PLD5: variants seen among roughly 807,000 people sequenced by gnomAD.
PLD5 encodes phospholipase D family member 5.
A neutral mutation model predicts 61.1 loss-of-function variants in PLD5; 36 were observed. The observed-to-expected ratio is 0.59, with a 90% CI of 0.45 to 0.78. The LOEUF (loss-of-function observed/expected upper bound fraction) is 0.78. Among genes scored for constraint, PLD5 ranks in the 30% least tolerant of loss-of-function variants. PLD5 has a pLI of 0.00. For synonymous variants in PLD5, 243 were observed against 242.8 expected, an observed-to-expected ratio of 1.00 and a Z score of -0.01; for missense variants, 515 against 644.4, an observed-to-expected ratio of 0.80 and a Z score of 2.17.
At chr1:242,292,314 T>G (rs958676407) in intron 2 of PLD5, among the ~76,000 whole-genome samples, 6 of 152,082 alleles carry the variant, frequency 3.9e-5, no homozygotes, top group African/African-American at 1.4e-4. Flanking sequence ...ACACAACAGC[T>G]GCCACCAAAT....
At chr1:242,507,310 A>C (rs775729291) in intron 1 of PLD5, among the ~76,000 whole-genome samples, 2 of 152,172 alleles carry the variant, frequency 1.3e-5, no homozygotes, top group Non-Finnish European at 2.9e-5. Context: ...GGTACTTCAT[A>C]AACTTTTGAG....
At chr1:242,112,720 A>T (rs1049726928) in intron 7 of PLD5, among the ~76,000 whole-genome samples, 1 of 152,142 alleles carries the variant, frequency 6.6e-6, no homozygotes, top group African/African-American at 2.4e-5. Flanking sequence ...GGCACACTTA[A>T]TCATTTAGCC....
At chr1:242,160,304 T>G (rs909655638) in intron 5 of PLD5, among the ~76,000 whole-genome samples, 2 of 151,970 alleles carry the variant, frequency 1.3e-5, no homozygotes, top group Non-Finnish European at 2.9e-5. Context: ...TCTAGGCAGA[T>G]GGCCCACAGG....
rs185158457 is a variant in PLD5, at chr1:242,503,757, A to C, written c.189+20331T>G. Reference sequence around the variant, plus strand: ...GCTCTTAAAAAGGGACATAAGGTCAAGTGCTCTCTTTTGGCCTTTGAATTT... The same window carrying C: ...GCTCTTAAAAAGGGACATAAGGTCACGTGCTCTCTTTTGGCCTTTGAATTT... On this transcript the variant is annotated intron_variant, in intron 1 of 9. Transcript: ENST00000536534. Among the ~76,000 whole-genome samples the C allele has an allele frequency of 1.2e-4, 18 of 152,326 alleles. No homozygotes were observed. In the East Asian group the frequency reaches 3.3e-3, roughly 28 times the overall value.
Position 242,245,890 on chromosome 1 carries a change from G to A in PLD5, c.607+19447C>T, listed in dbSNP as rs114431960. ...GCAGCACTTACAAAGTGAACTCACA[G>A]CCCCCCTTCTTCCTTCCTTCACAGC... On this transcript the variant is annotated intron_variant, in intron 4 of 9. Coordinates refer to ENST00000536534, the MANE Select transcript of PLD5 (RefSeq NM_001372062.1). 9.7e-3 allele frequency among the ~76,000 whole-genome samples: 1,481 copies of A among 152,192 alleles called. 21 individuals carry two copies. Among genetic ancestry groups the A allele is most frequent in the African/African-American group, 0.034 (1,403 of 41,508 alleles).
At chr1:242,171,506 GC>G (rs1666745086) in intron 5 of PLD5, among the ~76,000 whole-genome samples, 1 of 152,088 alleles carries the variant, frequency 6.6e-6, no homozygotes, top group Non-Finnish European at 1.5e-5. Context: ...TAATCAGCTA[GC>G]ATCACAATGA....
intron 1 of PLD5, among the ~76,000 whole-genome samples, chr1:242,489,201 G>C (rs1019463126): frequency 2.1e-4 from 32 of 152,244 alleles, no homozygotes; most frequent in African/African-American, 6.7e-4. Context: ...GCAGAGAGCT[G>C]GGAAAGGGTT....
intron 1 of PLD5, chr1:242,376,787 G>A (rs1438774482): frequency 5.9e-6 from 5 of 848,098 alleles, no homozygotes; most frequent in Non-Finnish European, 9.0e-6. Flanking sequence ...GTGAAGGAAG[G>A]TACGTTGAAA....
At chr1:242,486,588 T>C (rs1311807708) in intron 1 of PLD5, among the ~76,000 whole-genome samples, 4 of 152,070 alleles carry the variant, frequency 2.6e-5, no homozygotes, top group Admixed American at 1.3e-4. Context: ...TGTGGAGAAA[T>C]AGGAACACTT....
At chr1:242,450,805 T>C (rs1026195312) in intron 1 of PLD5, among the ~76,000 whole-genome samples, 3 of 152,178 alleles carry the variant, frequency 2.0e-5, no homozygotes, top group Non-Finnish European at 4.4e-5. Flanking sequence ...GAAGCCAATA[T>C]GGCAGGCAAA....
At chr1:242,299,901 C>T (rs1675928745) in intron 2 of PLD5, among the ~76,000 whole-genome samples, 1 of 152,028 alleles carries the variant, frequency 6.6e-6, no homozygotes, top group Non-Finnish European at 1.5e-5. Context: ...TGAAAGGCAC[C>T]CAGGCAAAAC....
intron 2 of PLD5, among the ~76,000 whole-genome samples, chr1:242,343,368 C>G (rs1463902821): frequency 5.3e-5 from 8 of 152,158 alleles, no homozygotes; most frequent in African/African-American, 1.9e-4. Flanking sequence ...TAATTGGAAA[C>G]TGAGCATCAT....
chr1:242,206,741 G>A (rs1263026268), intron 5 of PLD5, among the ~76,000 whole-genome samples: 1 of 152,200 alleles, frequency 6.6e-6, no homozygotes, highest in Non-Finnish European at 1.5e-5. Context: ...CATTGAATAA[G>A]CTCAGGAGGA....
At position 242,089,771 on chromosome 1, in the gene PLD5, C is replaced by A. The variant is rs779453957; in HGVS notation, c.*83G>T. 3.3e-5 allele frequency: 51 copies of A among 1,526,128 alleles called. No individual in the cohort carries two copies. The highest frequency in any genetic ancestry group is 4.6e-5 in the Non-Finnish European group (51 of 1,118,298). The allele number at this position is 1,526,128 out of a possible 1,614,324, so 94.5% of individuals were successfully genotyped here. On this transcript the variant is annotated 3_prime_UTR_variant, in exon 10 of 10. Coordinates refer to ENST00000536534, the MANE Select transcript of PLD5 (RefSeq NM_001372062.1). ...TGTGCTTTTTCCCTAAAAAAAGAGA[C>A]ATATTAAAGTGTTTTTTCTCTCCTC...
chr1:242,289,764 G>A (rs1675251098), intron 2 of PLD5, among the ~76,000 whole-genome samples: 1 of 152,142 alleles, frequency 6.6e-6, no homozygotes, highest in African/African-American at 2.4e-5. Flanking sequence ...TATAATTAGG[G>A]CTCACAAAAT....
chr1:242,194,610 C>G lies in PLD5; in HGVS notation c.735+25378G>C, dbSNP rs535138157. On this transcript the variant is annotated intron_variant, in intron 5 of 9. Transcript: ENST00000536534. ...TCTATCTATCTATCTATCTATGTAT[C>G]TATCTATGTATCTATCTATCTATCT... Among the ~76,000 whole-genome samples, 623 of 78,154 alleles carry G rather than the reference C, an allele frequency of 8.0e-3. 1 individual carries two copies. Among genetic ancestry groups the G allele is most frequent in the Admixed American group, 0.012 (70 of 5,854 alleles). The allele number at this position is 78,154 out of a possible 152,430, so 51.3% of individuals were successfully genotyped here. A position where few individuals can be genotyped will look rare whatever the true frequency, so the allele number is the denominator to read the frequency against.
Position 242,256,747 on chromosome 1 carries a change from CATCTATCTATCT to C in PLD5, c.607+8578_607+8589del, listed in dbSNP as rs71570946. On this transcript the variant is annotated intron_variant, in intron 4 of 9. Coordinates refer to ENST00000536534, the MANE Select transcript of PLD5 (RefSeq NM_001372062.1). This position sits in a 1 kb window ranked among gnomAD's most constrained non-coding sequence, Gnocchi z 5.7. ...AGCAGCACAAATGAACTAAGACTAT[CATCTATCTATCT>C]ATCTATCTATCTATCTATCTATCTA... 0.061 allele frequency among the ~76,000 whole-genome samples: 8,996 copies of C among 148,284 alleles called. 294 individuals are homozygous for C. Among genetic ancestry groups the C allele is most frequent in the African/African-American group, 0.073 (2,957 of 40,234 alleles).
At chr1:242,112,509 A>G (rs1030221160) in intron 7 of PLD5, among the ~76,000 whole-genome samples, 9 of 152,028 alleles carry the variant, frequency 5.9e-5, no homozygotes, top group Non-Finnish European at 1.0e-4. Flanking sequence ...AATTTTTGTA[A>G]AGATGCACAA....
At chr1:242,098,287 C>T (rs1263317899) in intron 9 of PLD5, among the ~76,000 whole-genome samples, 2 of 152,168 alleles carry the variant, frequency 1.3e-5, no homozygotes, top group Non-Finnish European at 2.9e-5. Flanking sequence ...CTAAACTTCT[C>T]TTCTCGCTTC....
Sources: allele counts gnomAD v4.1 joint callset (sites outside exome capture counted in the v4.1 genomes callset), GRCh38; gene constraint gnomAD v4.1.1; non-coding constraint Gnocchi (gnomAD v3.1); transcripts MANE v1.5; gene names NCBI Gene and HGNC (gene_info 2026-07-23, HGNC 2026-07-21).